The following TENM4 variants were observed in gnomAD, a reference collection of about 807,000 sequenced individuals.
TENM4 encodes the protein teneurin transmembrane protein 4, also known as teneurin-4.
A neutral mutation model predicts 243.3 loss-of-function variants in TENM4; 82 were observed. That is an observed-to-expected ratio of 0.34 (90% confidence interval 0.28 to 0.40). The LOEUF is 0.40. TENM4 is among the 10% of genes least tolerant of loss of function. The pLI is 1.00. For missense variants in TENM4, 3,138 were observed against 3,673.3 expected, an observed-to-expected ratio of 0.85 and a Z score of 3.77; for synonymous variants, 1,412 against 1,456.3, an observed-to-expected ratio of 0.97 and a Z score of 0.69.
intron 1 of TENM4, among the ~76,000 whole-genome samples, chr11:79,407,061 T>C (rs1858589882): frequency 6.6e-6 from 1 of 152,302 alleles, no homozygotes; most frequent in Non-Finnish European, 1.5e-5. Flanking sequence ...GGGGCCAATA[T>C]TTGGACTAGA....
Position 78,889,820 on chromosome 11 carries a change from G to A in TENM4, c.1049C>T (p.Ser350Leu), listed in dbSNP as rs532589873. 7.3e-5 allele frequency: 113 copies of A among 1,551,964 alleles called. 1 individual carries two copies. The highest frequency in any genetic ancestry group is 5.1e-4 in the Admixed American group (26 of 51,014). Residue 350 changes from serine (S) to leucine (L), a missense_variant, in exon 9 of 34, where the codon TCA becomes TTA. Ser to Leu is a moderately radical substitution (Grantham distance 145, BLOSUM62 -2). Coordinates refer to ENST00000278550, the MANE Select transcript of TENM4 (RefSeq NM_001098816.3). ...KCAALSAIVISATLVILLAYF... is the reference protein window; with the variant it reads ...KCAALSAIVILATLVILLAYF... Reference sequence around the variant, plus strand: ...TGCCAGCAGGATGACCAGAGTGGCTGAGATGACGATGGCGCTCAGGGCTGC... The same window carrying A: ...TGCCAGCAGGATGACCAGAGTGGCTAAGATGACGATGGCGCTCAGGGCTGC...
intron 12 of TENM4, among the ~76,000 whole-genome samples, chr11:78,843,898 G>A (rs1209399001): frequency 6.6e-6 from 1 of 152,202 alleles, no homozygotes; most frequent in East Asian, 1.9e-4. Flanking sequence ...CCGATAAGAA[G>A]TTCATGCCCA....
chr11:78,714,120 G>A (rs752837904), intron 25 of TENM4, among the ~76,000 whole-genome samples: 3 of 152,318 alleles, frequency 2.0e-5, no homozygotes, highest in Middle Eastern at 6.8e-3. Context: ...CCAGAGCACT[G>A]CAGACCCCCT....
At chr11:79,129,631 A>T (rs973228091) in intron 4 of TENM4, among the ~76,000 whole-genome samples, 2 of 152,030 alleles carry the variant, frequency 1.3e-5, no homozygotes, top group African/African-American at 4.8e-5. Flanking sequence ...CTTCCCTGAC[A>T]ACTTGCATGG....
Position 79,252,489 on chromosome 11 carries a change from G to A in TENM4, c.-264-36580C>T, listed in dbSNP as rs543039646. On this transcript the variant is annotated intron_variant, in intron 2 of 33. Coordinates refer to ENST00000278550, the MANE Select transcript of TENM4 (RefSeq NM_001098816.3). ...CCTGACCTCGTGATCCGCCCGCCTC[G>A]GCCTCCCAAAGTGCTGGGATTACAG... Among the ~76,000 whole-genome samples, 255 of 152,148 alleles carry A rather than the reference G, an allele frequency of 1.7e-3. 2 individuals carry two copies. The highest frequency in any genetic ancestry group is 2.2e-3 in the Non-Finnish European group (152 of 67,992).
intron 1 of TENM4, among the ~76,000 whole-genome samples, chr11:79,340,534 G>T (rs1240102168): frequency 6.6e-6 from 1 of 152,120 alleles, no homozygotes; most frequent in Admixed American, 6.5e-5. Flanking sequence ...CCACAGAGAG[G>T]ACTCTGGCAG....
intron 2 of TENM4, among the ~76,000 whole-genome samples, chr11:79,288,155 G>A (rs1329317904): frequency 6.6e-5 from 10 of 152,140 alleles, no homozygotes; most frequent in Non-Finnish European, 1.3e-4. Context: ...TAGGCTTTTG[G>A]CACCTGGCCA....
chr11:78,750,937 T>C (rs1334910283), intron 19 of TENM4, among the ~76,000 whole-genome samples: 1 of 151,916 alleles, frequency 6.6e-6, no homozygotes, highest in Non-Finnish European at 1.5e-5. Flanking sequence ...TGGAGTGCAA[T>C]GGAGTGATCT....
intron 28 of TENM4, among the ~76,000 whole-genome samples, chr11:78,699,279 C>A (rs675915): frequency 0.062 from 9,464 of 152,236 alleles, 721 homozygotes; most frequent in African/African-American, 0.18. Flanking sequence ...TCATCCCTAT[C>A]GTACAGATAA....
At chr11:79,355,420 C>G (rs1857479444) in intron 1 of TENM4, among the ~76,000 whole-genome samples, 1 of 152,252 alleles carries the variant, frequency 6.6e-6, no homozygotes, top group South Asian at 2.1e-4. Context: ...GTAATCCCAG[C>G]TACTCGGGAG....
chr11:79,303,984 G>C (rs879822417), intron 1 of TENM4, among the ~76,000 whole-genome samples: 7 of 152,128 alleles, frequency 4.6e-5, no homozygotes, highest in Non-Finnish European at 1.0e-4. Context: ...GTGTGTGTTG[G>C]GCTAATATGG....
intron 1 of TENM4, among the ~76,000 whole-genome samples, chr11:79,421,395 G>A (rs535627249): frequency 3.9e-5 from 6 of 152,122 alleles, no homozygotes; most frequent in Non-Finnish European, 7.3e-5. Context: ...ATGTGATATC[G>A]CTTGATATAG....
At chr11:79,230,477 C>G (rs74562523) in intron 2 of TENM4, among the ~76,000 whole-genome samples, 1 of 152,156 alleles carries the variant, frequency 6.6e-6, no homozygotes, top group African/African-American at 2.4e-5. Flanking sequence ...GCAGAAACAG[C>G]AGCAGCTCTG....
chr11:78,995,152 G>A (rs919551457), intron 6 of TENM4, among the ~76,000 whole-genome samples: 1 of 152,142 alleles, frequency 6.6e-6, no homozygotes. Context: ...AGGAGTGGAA[G>A]GAATAGAGTG....
intron 28 of TENM4, among the ~76,000 whole-genome samples, chr11:78,700,993 T>A (rs1859088405): frequency 6.6e-6 from 1 of 152,174 alleles, no homozygotes; most frequent in African/African-American, 2.4e-5. Context: ...CTGTGTAGTG[T>A]GTTTGAGAAG....
intron 4 of TENM4, among the ~76,000 whole-genome samples, chr11:79,133,266 T>A (rs1268689388): frequency 6.6e-6 from 1 of 152,120 alleles, no homozygotes; most frequent in East Asian, 1.9e-4. Flanking sequence ...ATAAATAAAT[T>A]CCTGGAAAAA....
chr11:79,308,999 T>C (rs1412931533), intron 1 of TENM4, among the ~76,000 whole-genome samples: 1 of 151,932 alleles, frequency 6.6e-6, no homozygotes, highest in Non-Finnish European at 1.5e-5. Flanking sequence ...GATATGAAGC[T>C]CAGAGTGGCA....
chr11:79,135,321 C>T (rs1204141457), intron 4 of TENM4, among the ~76,000 whole-genome samples: 1 of 151,592 alleles, frequency 6.6e-6, no homozygotes, highest in Non-Finnish European at 1.5e-5. Flanking sequence ...GCAAGAATGG[C>T]CATAATCAAA....
intron 12 of TENM4, among the ~76,000 whole-genome samples, chr11:78,838,664 C>T (rs1446741973): frequency 2.0e-5 from 3 of 152,050 alleles, no homozygotes; most frequent in Admixed American, 2.0e-4. Context: ...AGGCCAGGTA[C>T]ATGTAAGAAA....
Sources: allele counts gnomAD v4.1 joint callset (sites outside exome capture counted in the v4.1 genomes callset), GRCh38; gene constraint gnomAD v4.1.1; transcripts MANE v1.5; gene names NCBI Gene and HGNC (gene_info 2026-07-23, HGNC 2026-07-21).